MIA2: variants seen among roughly 807,000 people sequenced by gnomAD.
MIA2 encodes the protein melanoma inhibitory activity protein 2.
A neutral mutation model predicts 167.8 loss-of-function variants in MIA2; 127 were observed. The observed-to-expected ratio is 0.76, with a 90% CI of 0.66 to 0.88. The LOEUF (loss-of-function observed/expected upper bound fraction) is 0.88, where lower values mean the gene tolerates loss of function less well. MIA2 is among the 40% of genes least tolerant of loss of function. The pLI is 0.00. For synonymous variants in MIA2, 552 were observed against 541.9 expected (o/e 1.02, Z -0.26); for missense variants, 1,690 against 1,624.7 (o/e 1.04, Z -0.69).
chr14:39,358,136 C>G (rs1247144688), intron 23 of MIA2, among the ~76,000 whole-genome samples: 1 of 152,174 alleles, frequency 6.6e-6, no homozygotes, highest in Admixed American at 6.5e-5. Context: ...TGGATAATAT[C>G]CTGCAGAGTG....
chr14:39,319,696 A>C (rs2066078263), intron 23 of MIA2, among the ~76,000 whole-genome samples: 2 of 152,050 alleles, frequency 1.3e-5, no homozygotes, highest in South Asian at 4.1e-4. Context: ...TTTAATAATT[A>C]AAAAATAGTT....
At chr14:39,358,361 T>C (rs1361027292) in intron 23 of MIA2, among the ~76,000 whole-genome samples, 1 of 152,260 alleles carries the variant, frequency 6.6e-6, no homozygotes, top group Non-Finnish European at 1.5e-5. Flanking sequence ...CTGAAGCTTG[T>C]GCATTCGTCA....
chr14:39,340,418 T>C (rs1162392207), intron 25 of MIA2, among the ~76,000 whole-genome samples: 1 of 152,150 alleles, frequency 6.6e-6, no homozygotes, highest in East Asian at 1.9e-4. Context: ...TGAGAACAGT[T>C]TTGACTCTTT....
chr14:39,302,396 C>T (rs1261058657), intron 15 of MIA2, 147 bp downstream of exon 15: 9 of 909,942 alleles, frequency 9.9e-6, no homozygotes, highest in African/African-American at 1.7e-5. Context: ...TCTCACCATC[C>T]CTTATAGTTT....
chr14:39,313,422 G>A lies in MIA2; in HGVS notation c.3100G>A (p.Glu1034Lys). 6.2e-7 allele frequency: 1 copy of A among 1,600,620 alleles called. No individual in the cohort carries two copies. The highest frequency in any genetic ancestry group is 8.5e-7 in the Non-Finnish European group (1 of 1,172,870). The change falls in exon 19 of 29, where the codon GAA (glutamate) becomes AAA (lysine). Residue 1034 changes from glutamate to lysine, a missense_variant. Glu to Lys is a moderately conservative substitution (Grantham distance 56). Transcript: ENST00000640607. ...AGATGAAAAGATCAGCCATGCCACT[G>A]AAGAGCTGGAGACCTATAGGTATTA... is the stretch of plus-strand genomic sequence containing the variant. ...KVDEKISHAT[E>K]ELETYRKRAK...
chr14:39,334,257 C>T (rs2069724711), intron 25 of MIA2, among the ~76,000 whole-genome samples: 3 of 151,952 alleles, frequency 2.0e-5, no homozygotes, highest in Admixed American at 6.5e-5. Flanking sequence ...GGTGGATCAC[C>T]TGAGGCCAGG....
intron 24 of MIA2, among the ~76,000 whole-genome samples, 199 bp from the exon 25 acceptor site, chr14:39,326,661 TTTTA>T (rs1158853191): frequency 1.3e-5 from 2 of 149,780 alleles, no homozygotes; most frequent in South Asian, 2.1e-4. Flanking sequence ...ATATTATATT[TTTTA>T]TTTAATCAGT....
chr14:39,312,355 A>G (rs2064470030), intron 18 of MIA2, among the ~76,000 whole-genome samples: 1 of 152,212 alleles, frequency 6.6e-6, no homozygotes, highest in Non-Finnish European at 1.5e-5. Flanking sequence ...GAGATGACTT[A>G]TTTTCTTATA....
At chr14:39,372,881 T>C (rs1316434361) in intron 23 of MIA2, among the ~76,000 whole-genome samples, 8 of 152,180 alleles carry the variant, frequency 5.3e-5, no homozygotes, top group South Asian at 2.1e-4. Flanking sequence ...AGCTTGTCCA[T>C]AGACAAGCAA....
chr14:39,250,709 CATATATATAT>C (rs72114250), intron 4 of MIA2, among the ~76,000 whole-genome samples: 2 of 143,606 alleles, frequency 1.4e-5, no homozygotes, highest in East Asian at 2.0e-4. Context: ...AAAAAATATG[CATATATATAT>C]ATATATATAT....
intron 6 of MIA2, among the ~76,000 whole-genome samples, chr14:39,259,848 C>T (rs1375431802): frequency 3.3e-5 from 5 of 151,972 alleles, no homozygotes; most frequent in African/African-American, 1.2e-4. Flanking sequence ...CTAATGCTAT[C>T]CCTCTCCTAT....
intron 6 of MIA2, among the ~76,000 whole-genome samples, chr14:39,275,089 AT>A (rs35976478): frequency 0.35 from 15,792 of 45,456 alleles, 1,214 homozygotes; most frequent in East Asian, 0.42. Flanking sequence ...AAAAAAAAAA[AT>A]TTTTTTTTTT....
At chr14:39,238,745 G>A (rs1383284496) in intron 2 of MIA2, among the ~76,000 whole-genome samples, 1 of 131,064 alleles carries the variant, frequency 7.6e-6, no homozygotes, top group Non-Finnish European at 1.5e-5. Context: ...AGTGAACCAT[G>A]ATTGTACCAC....
intron 25 of MIA2, among the ~76,000 whole-genome samples, chr14:39,338,023 A>G (rs1237963384): frequency 6.6e-6 from 1 of 152,172 alleles, no homozygotes; most frequent in Non-Finnish European, 1.5e-5. Context: ...GTGCCCGGCC[A>G]TATATAACAT....
chr14:39,327,155 A>G (rs1318971285), intron 25 of MIA2, 133 bp downstream of exon 25: 6 of 581,882 alleles, frequency 1.0e-5, no homozygotes, highest in Non-Finnish European at 1.6e-5. Flanking sequence ...GAAAACAACA[A>G]TGATAAATAA....
At chr14:39,268,143 T>A (rs2056351811) in intron 6 of MIA2, among the ~76,000 whole-genome samples, 1 of 152,192 alleles carries the variant, frequency 6.6e-6, no homozygotes, top group Non-Finnish European at 1.5e-5. Context: ...AATCAAGTTG[T>A]AGAGATTTTT....
At chr14:39,354,377 C>G (rs1207696226), downstream of MIA2, among the ~76,000 whole-genome samples, 1 of 152,192 alleles carries the variant, frequency 6.6e-6, no homozygotes, top group Non-Finnish European at 1.5e-5. Flanking sequence ...TGAGAAGTGT[C>G]TGTTCATATC....
chr14:39,308,896 C>G (rs2063768334), intron 18 of MIA2, among the ~76,000 whole-genome samples: 1 of 152,176 alleles, frequency 6.6e-6, no homozygotes, highest in African/African-American at 2.4e-5. Flanking sequence ...CTTGATTAAA[C>G]TGCCCATTAA....
chr14:39,238,811 A>AAAAAAAAAAACAAAAC, intron 2 of MIA2, among the ~76,000 whole-genome samples: 8 of 103,632 alleles, frequency 7.7e-5, no homozygotes, highest in African/African-American at 2.7e-4. Flanking sequence ...AAAAAAAAAA[A>AAAAAAAAAAACAAAAC]CCCAAAAAAC....
Sources: allele counts gnomAD v4.1 joint callset (sites outside exome capture counted in the v4.1 genomes callset), GRCh38; gene constraint gnomAD v4.1.1; transcripts MANE v1.5; gene names NCBI Gene and HGNC (gene_info 2026-07-23, HGNC 2026-07-21).